BICRAL: variants seen among roughly 807,000 people sequenced by gnomAD.
BICRAL encodes the protein BICRA like chromatin remodeling complex associated protein, also known as BRD4-interacting chromatin-remodeling complex-associated protein-like.
Under a neutral mutation model 91.8 loss-of-function variants are expected in BICRAL, and 8 were observed. That is an observed-to-expected ratio of 0.09 (90% CI 0.05 to 0.16). The LOEUF (loss-of-function observed/expected upper bound fraction) is 0.16, where lower values mean the gene tolerates loss of function less well. Ranked by LOEUF, BICRAL falls within the 10% of genes least tolerant of loss-of-function variation. The pLI is 1.00. For synonymous variants in BICRAL, 445 were observed against 491.1 expected, an observed-to-expected ratio of 0.91 and a Z score of 1.24; for missense variants, 1,038 against 1,310.9, an observed-to-expected ratio of 0.79 and a Z score of 3.21.
chr6:42,780,024 C>G (rs1054616260), upstream of BICRAL, among the ~76,000 whole-genome samples: 98 of 152,272 alleles, frequency 6.4e-4, no homozygotes, highest in South Asian at 1.4e-3. Flanking sequence ...CCTCAGCCTC[C>G]CCAGTAGCTG....
At chr6:42,861,737 G>A (rs1384169587) in intron 11 of BICRAL, among the ~76,000 whole-genome samples, 3 of 152,032 alleles carry the variant, frequency 2.0e-5, no homozygotes, top group Admixed American at 6.5e-5. Context: ...AGTGGCTCAC[G>A]CCTGTAATCC....
At chr6:42,782,478 G>C (rs1037040220) in intron 1 of BICRAL, among the ~76,000 whole-genome samples, 1 of 150,990 alleles carries the variant, frequency 6.6e-6, no homozygotes, top group Non-Finnish European at 1.5e-5. Context: ...TCAGTGTCTC[G>C]GGCGGGGGCG....
intron 1 of BICRAL, among the ~76,000 whole-genome samples, chr6:42,771,823 A>G (rs1199084405): frequency 6.6e-6 from 1 of 152,156 alleles, no homozygotes; most frequent in Non-Finnish European, 1.5e-5. Flanking sequence ...TCAATAGACT[A>G]TGCTGTGAAT....
intron 1 of BICRAL, among the ~76,000 whole-genome samples, chr6:42,792,692 C>T (rs1410319056): frequency 2.0e-5 from 3 of 151,932 alleles, no homozygotes; most frequent in Admixed American, 1.3e-4. Flanking sequence ...GTAGGTGAAT[C>T]ACTTGAGGTC....
intron 6 of BICRAL, among the ~76,000 whole-genome samples, chr6:42,837,070 G>A (rs183527159): frequency 0.022 from 3,375 of 151,610 alleles, 137 homozygotes; most frequent in African/African-American, 0.078. Context: ...TCAGCCTCCC[G>A]AGTAGCTGGG....
At position 42,852,130 on chromosome 6, in the gene BICRAL, T is replaced by A; in HGVS notation, c.1878T>A (p.Ser626=). The part of the protein sequence containing the change: ...KKCLNQTSPI[S]APKTTDGLRQ... ...GTCTGAATCAGACTTCCCCCATTTC[T>A]GCTCCCAAGACCACAGACGGCCTGA... Residue 626 remains serine (S), a synonymous_variant, in exon 7 of 13, where the codon TCT becomes TCA. Coordinates refer to ENST00000314073, the MANE Select transcript of BICRAL (RefSeq NM_001393499.1). 1 of 1,613,180 alleles carries A rather than the reference T, an allele frequency of 6.2e-7. No homozygotes were observed. The highest frequency in any genetic ancestry group is 2.2e-5 in the East Asian group (1 of 44,866).
At chr6:42,838,094 A>G (rs895022921) in intron 6 of BICRAL, among the ~76,000 whole-genome samples, 2 of 152,214 alleles carry the variant, frequency 1.3e-5, no homozygotes, top group African/African-American at 4.8e-5. Context: ...ACCATTTGAA[A>G]GTACTCTGCA....
chr6:42,760,048 C>T (rs1412914393), intron 1 of BICRAL, among the ~76,000 whole-genome samples: 7 of 152,000 alleles, frequency 4.6e-5, no homozygotes, highest in Admixed American at 3.9e-4. Flanking sequence ...AGTTCGAGAC[C>T]GGCCTGACTA....
At chr6:42,856,034 A>C (rs1232995350) in intron 9 of BICRAL, 117 bp downstream of exon 9, 1 of 870,134 alleles carries the variant, frequency 1.1e-6, no homozygotes, top group Non-Finnish European at 1.9e-6. Flanking sequence ...CTTTTTAAAA[A>C]TGTACTTTGA....
intron 1 of BICRAL, among the ~76,000 whole-genome samples, chr6:42,771,813 T>G (rs1169421803): frequency 2.0e-5 from 3 of 152,058 alleles, no homozygotes; most frequent in Non-Finnish European, 2.9e-5. Context: ...AGCATAGTCT[T>G]CAATAGACTA....
In BICRAL at chr6:42,822,758, GT is replaced by G. The variant is rs756029201; in HGVS notation, c.42-35del. 2.5e-6 allele frequency: 3 copies of G among 1,193,118 alleles called. No individual in the cohort carries two copies. The African/African-American group carries it at 4.5e-5, about 18-fold the overall frequency. 73.9% of individuals were successfully genotyped at this position (1,193,118 alleles called of 1,614,324 possible). On this transcript the variant is annotated intron_variant, in intron 3 of 12. Coordinates refer to ENST00000314073, the MANE Select transcript of BICRAL (RefSeq NM_001393499.1). ...AGTTCTAAATATAGATAGTATATTT[GT>G]TTGTTGTTTTATCTCTTTTTTTCCT...
intron 6 of BICRAL, among the ~76,000 whole-genome samples, chr6:42,844,508 C>CAAAAAAAAAAAAA (rs34115804): frequency 3.2e-5 from 1 of 31,460 alleles, no homozygotes; most frequent in South Asian, 2.3e-3. Context: ...GACTCCATCT[C>CAAAAAAAAAAAAA]AAAAAAAAAA....
intron 1 of BICRAL, among the ~76,000 whole-genome samples, chr6:42,794,871 G>A (rs1302049462): frequency 6.6e-6 from 1 of 151,636 alleles, no homozygotes; most frequent in Non-Finnish European, 1.5e-5. Flanking sequence ...TGAGACAGGA[G>A]GATTGCTTGA....
chr6:42,750,928 T>G (rs965676707), intron 1 of BICRAL, among the ~76,000 whole-genome samples: 2 of 128,754 alleles, frequency 1.6e-5, no homozygotes, highest in African/African-American at 6.0e-5. Context: ...AGTTCTGGGA[T>G]GCATGTGCAG....
At chr6:42,806,352 C>G (rs1229965134) in intron 1 of BICRAL, among the ~76,000 whole-genome samples, 1 of 152,046 alleles carries the variant, frequency 6.6e-6, no homozygotes, top group African/African-American at 2.4e-5. Context: ...GAGGACAGGA[C>G]TCCATGGTTT....
At chr6:42,848,836 A>G (rs1765096198) in intron 6 of BICRAL, among the ~76,000 whole-genome samples, 1 of 152,170 alleles carries the variant, frequency 6.6e-6, no homozygotes, top group Admixed American at 6.5e-5. Context: ...ACAAACAATG[A>G]CAAAACAATT....
chr6:42,865,495 C>T lies in BICRAL; in HGVS notation c.*49C>T. 1.0e-6 allele frequency: 1 copy of T among 970,552 alleles called. No individual in the cohort carries two copies. Among genetic ancestry groups the T allele is most frequent in the Non-Finnish European group, 1.6e-6 (1 of 637,980 alleles). The allele number at this position is 970,552 out of a possible 1,614,324, so 60.1% of individuals were successfully genotyped here. A position where few individuals can be genotyped will look rare whatever the true frequency, so the allele number is the denominator to read the frequency against. ...CGCCCCGAGACCCCACCCCGAGACC[C>T]CACCCCGGACCAGTTACATTCGTTC... On this transcript the variant is annotated 3_prime_UTR_variant, in exon 13 of 13. Transcript: ENST00000314073.
intron 6 of BICRAL, among the ~76,000 whole-genome samples, 155 bp from the exon 7 acceptor site, chr6:42,851,937 A>G (rs1393616448): frequency 6.6e-6 from 1 of 152,194 alleles, no homozygotes; most frequent in East Asian, 1.9e-4. Context: ...AGTTCCCCTG[A>G]AGTGATAAGA....
intron 1 of BICRAL, among the ~76,000 whole-genome samples, chr6:42,789,481 A>G (rs1763203815): frequency 6.6e-6 from 1 of 152,070 alleles, no homozygotes; most frequent in African/African-American, 2.4e-5. Context: ...CTCTACTAAA[A>G]ATACAAAGAA....
Sources: gnomAD v4.1 joint callset for allele counts (sites outside exome capture counted in the v4.1 genomes callset) on GRCh38, gnomAD v4.1.1 for gene constraint, MANE v1.5 for transcripts, NCBI Gene and HGNC (gene_info 2026-07-23, HGNC 2026-07-21) for gene names.